CACNA2D4: variants seen among roughly 807,000 people sequenced by gnomAD.
CACNA2D4 encodes the protein calcium voltage-gated channel auxiliary subunit alpha2delta 4.
CACNA2D4 carries 157 observed loss-of-function variants against 163.8 expected under a neutral mutation model. The ratio of observed to expected loss-of-function variants is 0.96; its 90% confidence interval spans 0.84 to 1.09. The LOEUF is 1.09. Ranked by LOEUF, CACNA2D4 falls within the 50% of genes least tolerant of loss-of-function variation. The pLI is 0.00. For synonymous variants in CACNA2D4, 598 were observed against 586.9 expected (o/e 1.02, Z -0.27); for missense variants, 1,410 against 1,479.9 (o/e 0.95, Z 0.78).
intron 29 of CACNA2D4, among the ~76,000 whole-genome samples, chr12:1,803,659 G>A (rs888113455): frequency 1.3e-5 from 2 of 152,194 alleles, no homozygotes; most frequent in Non-Finnish European, 2.9e-5. Flanking sequence ...TCAGACAAAG[G>A]TGCTCACACT....
At chr12:1,892,001 A>G (rs1866295525) in intron 6 of CACNA2D4, among the ~76,000 whole-genome samples, 1 of 152,236 alleles carries the variant, frequency 6.6e-6, no homozygotes, top group Non-Finnish European at 1.5e-5. Context: ...TGGAAAGTCT[A>G]TTTCACAAAA....
intron 29 of CACNA2D4, 70 bp downstream of exon 29, chr12:1,810,208 G>A: frequency 1.5e-6 from 2 of 1,312,610 alleles, no homozygotes; most frequent in South Asian, 2.4e-5. Context: ...TCTTTAGCTG[G>A]AGTGGCTGCC....
In CACNA2D4 at chr12:1,829,941, G is replaced by A. The variant is rs952965263; in HGVS notation, c.2551+10798C>T. Among the ~76,000 whole-genome samples, 7 of 152,118 alleles carry A rather than the reference G, an allele frequency of 4.6e-5. No homozygotes were observed. Among genetic ancestry groups the A allele is most frequent in the African/African-American group, 7.2e-5 (3 of 41,414 alleles). On this transcript the variant is annotated intron_variant, in intron 26 of 37. Coordinates refer to ENST00000382722, the MANE Select transcript of CACNA2D4 (RefSeq NM_172364.5). This position sits in a 1 kb window ranked among gnomAD's most constrained non-coding sequence, Gnocchi z 4.2. ...CTTAGGGGTTTTTGAGGCCACTATTGGAAAGGGCTGCTGCATAATGGAAGG... is the reference window on the plus strand; with the variant it reads ...CTTAGGGGTTTTTGAGGCCACTATTAGAAAGGGCTGCTGCATAATGGAAGG...
chr12:1,794,214 G>C (rs922813245), intron 37 of CACNA2D4, among the ~76,000 whole-genome samples: 2 of 152,134 alleles, frequency 1.3e-5, no homozygotes, highest in African/African-American at 4.8e-5. Context: ...GGACAAGATG[G>C]GAAAACTGCA....
rs1866066959 is a variant in CACNA2D4 at position 1,883,845 on chromosome 12, T to C, written c.1351+398A>G. Among the ~76,000 whole-genome samples the C allele has an allele frequency of 6.6e-6, 1 of 152,192 alleles. No homozygotes were observed. Among genetic ancestry groups the C allele is most frequent in the African/African-American group, 2.4e-5 (1 of 41,450 alleles). The stretch of plus-strand genomic sequence containing the variant: ...CTGAGTCCATCCTGATCCCTCTTGG[T>C]CCCCTGGTGCCTGGAAATGGGGCCA... On this transcript the variant is annotated intron_variant, in intron 12 of 37. Coordinates refer to ENST00000382722, the MANE Select transcript of CACNA2D4 (RefSeq NM_172364.5). The surrounding 1 kb of genome is among the most constrained non-coding windows in gnomAD (Gnocchi z 4.5).
chr12:1,878,074 A>G lies in CACNA2D4; in HGVS notation c.1719+241T>C, dbSNP rs1156899876. Among the ~76,000 whole-genome samples the G allele has an allele frequency of 2.0e-5, 3 of 152,170 alleles. No homozygotes were observed. Among genetic ancestry groups the G allele is most frequent in the Non-Finnish European group, 4.4e-5 (3 of 68,030 alleles). ...GGGCTCTTTAGCCTCAAAACTGCAC[A>G]CTTCGTTACGTGCTCTCTGGCCCAC... On this transcript the variant is annotated intron_variant, in intron 16 of 37. Transcript: ENST00000382722. This position sits in a 1 kb window ranked among gnomAD's most constrained non-coding sequence, Gnocchi z 4.6.
At position 1,834,162 on chromosome 12, in the gene CACNA2D4, T is replaced by G; in HGVS notation, c.2551+6577A>C. 1.9e-5 allele frequency: 26 copies of G among 1,343,238 alleles called. No individual in the cohort carries two copies. The highest frequency in any genetic ancestry group is 2.6e-5 in the Non-Finnish European group (26 of 1,006,246). 83.2% of individuals were successfully genotyped at this position (1,343,238 alleles called of 1,614,324 possible). A position where few individuals can be genotyped will look rare whatever the true frequency, so the allele number is the denominator to read the frequency against. On this transcript the variant is annotated intron_variant, in intron 26 of 37. Transcript: ENST00000382722. This position sits in a 1 kb window ranked among gnomAD's most constrained non-coding sequence, Gnocchi z 7.6. ...ATTCCAGGATTGACTACATTGCTGA[T>G]AAAAACTACCTTCTGGGGCTTCCGT... is the stretch of plus-strand genomic sequence containing the variant.
Position 1,812,870 on chromosome 12 carries a change from G to A in CACNA2D4, c.2552-1147C>T, listed in dbSNP as rs11061983. Among the ~76,000 whole-genome samples, 781 of 152,300 alleles carry A rather than the reference G, an allele frequency of 5.1e-3. 48 individuals carry two copies. The East Asian group carries it at 0.12, about 24-fold the overall frequency. On this transcript the variant is annotated intron_variant, in intron 26 of 37. Coordinates refer to ENST00000382722, the MANE Select transcript of CACNA2D4 (RefSeq NM_172364.5). ...GTTTCCTCATCTGTGAAACGGGAAC[G>A]GATGTGGCTTCTTAACCATTACGCT...
chr12:1,849,172 G>A (rs1013176342), intron 23 of CACNA2D4, among the ~76,000 whole-genome samples: 9 of 152,154 alleles, frequency 5.9e-5, no homozygotes, highest in Non-Finnish European at 1.0e-4. Flanking sequence ...CACTTGCTGC[G>A]GTGGGCCCTT....
At chr12:1,807,572 C>T (rs1231785284) in intron 29 of CACNA2D4, among the ~76,000 whole-genome samples, 1 of 151,998 alleles carries the variant, frequency 6.6e-6, no homozygotes, top group East Asian at 1.9e-4. Context: ...ATGGCATTAG[C>T]CCCAGACTCT....
intron 29 of CACNA2D4, among the ~76,000 whole-genome samples, chr12:1,805,173 G>A (rs1442252755): frequency 6.6e-6 from 1 of 152,150 alleles, no homozygotes; most frequent in Non-Finnish European, 1.5e-5. Context: ...GGTCAAAAGA[G>A]TCGAGGACCC....
intron 23 of CACNA2D4, among the ~76,000 whole-genome samples, chr12:1,849,957 T>C (rs893085712): frequency 2.0e-5 from 3 of 152,236 alleles, no homozygotes; most frequent in Non-Finnish European, 4.4e-5. Context: ...CCATGATTTA[T>C]GTAACTAGGC....
Position 1,792,781 on chromosome 12 carries a change from A to G in CACNA2D4, c.*874T>C, listed in dbSNP as rs1404735008. ...GGATTTCACTCCAGGGACAGAGTCA[A>G]GTAGATTCTTTTGTAAATCATTGGC... On this transcript the variant is annotated 3_prime_UTR_variant, in exon 38 of 38. Coordinates refer to ENST00000382722, the MANE Select transcript of CACNA2D4 (RefSeq NM_172364.5). 2.0e-5 allele frequency: 3 copies of G among 152,196 alleles called. No individual in the cohort carries two copies. Among genetic ancestry groups the G allele is most frequent in the African/African-American group, 7.2e-5 (3 of 41,452 alleles). 9.4% of individuals were successfully genotyped at this position (152,196 alleles called of 1,614,324 possible).
Position 1,838,456 on chromosome 12 carries a change from C to T in CACNA2D4, c.2551+2283G>A, listed in dbSNP as rs576542438. ...CCCCTCCTTCAGCTACAGGCTCCAG[C>T]TGGCCCCAGGATCAGGGAGGCTGAG... is the stretch of plus-strand genomic sequence containing the variant. On this transcript the variant is annotated intron_variant, in intron 26 of 37. Coordinates refer to ENST00000382722, the MANE Select transcript of CACNA2D4 (RefSeq NM_172364.5). Among the ~76,000 whole-genome samples, 391 of 152,348 alleles carry T rather than the reference C, an allele frequency of 2.6e-3. 1 individual carries two copies. The highest frequency in any genetic ancestry group is 8.9e-3 in the African/African-American group (372 of 41,578).
intron 18 of CACNA2D4, among the ~76,000 whole-genome samples, chr12:1,863,850 G>T (rs144204793): frequency 1.6e-3 from 240 of 148,434 alleles, no homozygotes; most frequent in African/African-American, 4.9e-3. Context: ...ACACAGCGCA[G>T]AAACAGGATC....
Position 1,837,622 on chromosome 12 carries a change from C to T in CACNA2D4, c.2551+3117G>A, listed in dbSNP as rs747652670. 2.6e-5 allele frequency among the ~76,000 whole-genome samples: 4 copies of T among 152,242 alleles called. No homozygotes were observed. The East Asian group carries it at 7.7e-4, about 29-fold the overall frequency. ...GATCTTCCTTTGGATAACAACCCAGCGAGCCAGGAGCAAACCCTAGAGGGA... is the reference window on the plus strand; with the variant it reads ...GATCTTCCTTTGGATAACAACCCAGTGAGCCAGGAGCAAACCCTAGAGGGA... On this transcript the variant is annotated intron_variant, in intron 26 of 37. Coordinates refer to ENST00000382722, the MANE Select transcript of CACNA2D4 (RefSeq NM_172364.5).
At chr12:1,888,215 A>G (rs1261036804) in intron 6 of CACNA2D4, among the ~76,000 whole-genome samples, 4 of 152,198 alleles carry the variant, frequency 2.6e-5, no homozygotes, top group Non-Finnish European at 5.9e-5. Flanking sequence ...TCCTTAGAAC[A>G]GCAATGAGGA....
intron 19 of CACNA2D4, 88 bp downstream of exon 19, chr12:1,860,057 C>G (rs1225370954): frequency 9.4e-7 from 1 of 1,064,738 alleles, no homozygotes; most frequent in Non-Finnish European, 1.4e-6. Context: ...GGGTCTTTTG[C>G]TATTACCACA....
chr12:1,853,919 T>C (rs764976920), intron 23 of CACNA2D4, 32 bp downstream of exon 23: 34 of 1,565,416 alleles, frequency 2.2e-5, no homozygotes, highest in Non-Finnish European at 3.0e-5. Context: ...GGGGGCTGGT[T>C]GGGGCCTGGG....
Sources: gnomAD v4.1 joint callset for allele counts (sites outside exome capture counted in the v4.1 genomes callset) on GRCh38, gnomAD v4.1.1 for gene constraint, Gnocchi (gnomAD v3.1) non-coding constraint, MANE v1.5 for transcripts, NCBI Gene and HGNC (gene_info 2026-07-23, HGNC 2026-07-21) for gene names.